The following NUGGC variants were observed in gnomAD, a reference collection of about 807,000 sequenced individuals.
NUGGC encodes the protein nuclear GTPase SLIP-GC.
In NUGGC, 58 loss-of-function variants were observed where a neutral mutation model predicts 92.6. That is an observed-to-expected ratio of 0.63 (90% CI 0.51 to 0.78). The LOEUF (loss-of-function observed/expected upper bound fraction) is 0.78, where lower values mean the gene tolerates loss of function less well. NUGGC is among the 30% of genes least tolerant of loss of function. NUGGC has a pLI of 0.00. For synonymous variants in NUGGC, 376 were observed against 366.4 expected, an observed-to-expected ratio of 1.03 and a Z score of -0.30; for missense variants, 925 against 964.6, an observed-to-expected ratio of 0.96 and a Z score of 0.54.
intron 18 of NUGGC, among the ~76,000 whole-genome samples, chr8:28,024,904 G>A (rs547315075): frequency 5.8e-4 from 88 of 152,312 alleles, no homozygotes; most frequent in African/African-American, 1.9e-3. Flanking sequence ...GTCTGAGTGG[G>A]TTCCCTCCCT....
At chr8:28,064,278 T>C (rs911165380) in intron 7 of NUGGC, among the ~76,000 whole-genome samples, 1 of 152,194 alleles carries the variant, frequency 6.6e-6, no homozygotes, top group Non-Finnish European at 1.5e-5. Context: ...CTATTGCTGG[T>C]CTTTCTCATA....
At chr8:28,053,788 A>G (rs17058542) in intron 10 of NUGGC, among the ~76,000 whole-genome samples, 6,687 of 152,282 alleles carry the variant, frequency 0.044, 463 homozygotes, top group African/African-American at 0.15. Context: ...GCACTCATAC[A>G]ATGCATATTT....
At chr8:28,074,638 T>TG (rs1429665890) in intron 1 of NUGGC, among the ~76,000 whole-genome samples, 182 bp from the exon 2 acceptor site, 6 of 152,194 alleles carry the variant, frequency 3.9e-5, no homozygotes, top group Non-Finnish European at 7.4e-5. Flanking sequence ...GTTTGAACAC[T>TG]GGTTTCCAAT....
chr8:28,023,308 C>T lies in NUGGC; in HGVS notation c.*9G>A, dbSNP rs1809165113. ...TGATTTTTCATCCATTGGGACTAAG[C>T]CCCAGGAGTTACAGTGATGTCCCGG... is the stretch of plus-strand genomic sequence containing the variant. On this transcript the variant is annotated 3_prime_UTR_variant, in exon 19 of 19. Transcript: ENST00000413272. The T allele has an allele frequency of 6.2e-7, 1 of 1,611,260 alleles. No homozygotes were observed. The highest frequency in any genetic ancestry group is 8.5e-7 in the Non-Finnish European group (1 of 1,178,722).
chr8:28,034,817 CA>C (rs201589576), intron 13 of NUGGC, among the ~76,000 whole-genome samples: 2 of 149,436 alleles, frequency 1.3e-5, no homozygotes, highest in African/African-American at 4.9e-5. Context: ...AACTCCAACT[CA>C]AAAAAAAAGG....
In NUGGC at chr8:28,064,537, G is replaced by A. The variant is rs199524519; in HGVS notation, c.906C>T (p.Asp302=). Residue 302 remains aspartate (D), a synonymous_variant, in exon 7 of 19, where the codon GAC becomes GAT. Transcript: ENST00000413272. ...AGACAGTCACCTTTTTCCACATCTC[G>A]TCCCTCTTGCTGTTGAAGTCGCCTG... ...PGTGDFNSKR[D]EMWKKTIDKC... The A allele has an allele frequency of 1.1e-5, 18 of 1,613,790 alleles. No individual in the cohort carries two copies. Among genetic ancestry groups the A allele is most frequent in the Admixed American group, 1.7e-5 (1 of 59,996 alleles).
chr8:28,081,692 C>T (rs575694062), intron 1 of NUGGC, among the ~76,000 whole-genome samples: 1 of 152,242 alleles, frequency 6.6e-6, no homozygotes, highest in East Asian at 1.9e-4. Context: ...TCCTGGCTAA[C>T]TCGGTGAAAC....
In NUGGC at chr8:28,033,565, C is replaced by T. The variant is rs373680690; in HGVS notation, c.1744G>A (p.Asp582Asn). 6.2e-6 allele frequency: 10 copies of T among 1,613,610 alleles called. No homozygotes were observed. The highest frequency in any genetic ancestry group is 1.3e-5 in the African/African-American group (1 of 74,916). The change falls in exon 14 of 19, where the codon GAC (aspartate) becomes AAC (asparagine). Residue 582 changes from aspartate (D) to asparagine (N), a missense_variant. Transcript: ENST00000413272. Reference protein sequence around the residue: ...ALTQPVYDQIDPVFGSIFRTG... With the variant: ...ALTQPVYDQINPVFGSIFRTG... ...CTAAAAATGCTTCCAAAAACAGGGT[C>T]GATCTGGTCATAGACGGGCTGAGTG...
intron 18 of NUGGC, among the ~76,000 whole-genome samples, chr8:28,024,484 C>T (rs1265268112): frequency 6.6e-6 from 1 of 152,162 alleles, no homozygotes; most frequent in Non-Finnish European, 1.5e-5. Flanking sequence ...ACCAAGCCTC[C>T]ACCATCGTGT....
chr8:28,081,087 G>C (rs1162914559), intron 1 of NUGGC, among the ~76,000 whole-genome samples: 1 of 152,198 alleles, frequency 6.6e-6, no homozygotes, highest in Non-Finnish European at 1.5e-5. Context: ...GGGAGGCCAA[G>C]GTGGGCCGAT....
At chr8:28,053,388 G>C (rs150652647) in intron 10 of NUGGC, among the ~76,000 whole-genome samples, 2 of 152,118 alleles carry the variant, frequency 1.3e-5, no homozygotes, top group South Asian at 2.1e-4. Flanking sequence ...TGCGGAGTGC[G>C]GGCAGGAAGA....
intron 17 of NUGGC, among the ~76,000 whole-genome samples, 161 bp from the exon 18 acceptor site, chr8:28,027,213 A>G (rs2130063638): frequency 6.6e-6 from 1 of 152,350 alleles, no homozygotes; most frequent in South Asian, 2.1e-4. Context: ...AACATTTTCA[A>G]GGACACCAAA....
At chr8:28,078,207 T>A (rs1361589491) in intron 1 of NUGGC, among the ~76,000 whole-genome samples, 1 of 152,240 alleles carries the variant, frequency 6.6e-6, no homozygotes, top group Non-Finnish European at 1.5e-5. Flanking sequence ...TTGGAAATTA[T>A]GTGGTTTGGT....
Position 28,045,569 on chromosome 8 carries a change from CAGGCCAA to C in NUGGC, c.1397_1403del (p.Phe466CysfsTer21). The C allele has an allele frequency of 6.2e-7, 1 of 1,612,928 alleles. No homozygotes were observed. Among genetic ancestry groups the C allele is most frequent in the Non-Finnish European group, 8.5e-7 (1 of 1,179,798 alleles). On this transcript the variant is annotated frameshift_variant, in exon 12 of 19. Transcript: ENST00000413272. LOFTEE classifies it high-confidence loss of function. The stretch of plus-strand genomic sequence containing the variant: ...AGTTGAAACTATCTGTGAGGAGCAA[CAGGCCAA>C]AGGCTTCAGTCACATACTTGGTCAC...
Position 28,064,810 on chromosome 8 carries a change from A to T in NUGGC, c.712-79T>A, listed in dbSNP as rs145141120. ...CCCCGGTTGGCTGTGATGCAGGTTC[A>T]TGGTAAGTATGCTGAGTAAGGGTAA... On this transcript the variant is annotated intron_variant, in intron 6 of 18. Transcript: ENST00000413272. 194 of 1,194,462 alleles carry T rather than the reference A, an allele frequency of 1.6e-4. No homozygotes were observed. The African/African-American group carries it at 2.5e-3, about 15-fold the overall frequency. 74.0% of individuals were successfully genotyped at this position (1,194,462 alleles called of 1,614,324 possible).
chr8:28,047,357 A>T, intron 11 of NUGGC, 150 bp downstream of exon 11: 1 of 584,604 alleles, frequency 1.7e-6, no homozygotes, highest in East Asian at 2.8e-5. Context: ...TGCAGAGAGG[A>T]AAATATCCTT....
At chr8:28,030,706 TG>T (rs1563214183) in intron 15 of NUGGC, among the ~76,000 whole-genome samples, 2 of 152,014 alleles carry the variant, frequency 1.3e-5, no homozygotes, top group Non-Finnish European at 2.9e-5. Flanking sequence ...GGGCCCTCTC[TG>T]GGGGGCAGAG....
intron 6 of NUGGC, 131 bp from the exon 7 acceptor site, chr8:28,064,862 A>G (rs1384729851): frequency 1.4e-6 from 1 of 717,148 alleles, no homozygotes; most frequent in Non-Finnish European, 2.4e-6. Flanking sequence ...GAGGCCTGCA[A>G]TCAGGTCTGT....
chr8:28,064,870 T>G, intron 6 of NUGGC, 139 bp from the exon 7 acceptor site: 2 of 671,990 alleles, frequency 3.0e-6, no homozygotes, highest in South Asian at 1.9e-5. Flanking sequence ...CAATCAGGTC[T>G]GTAGGACCTA....
Sources: allele counts gnomAD v4.1 joint callset (sites outside exome capture counted in the v4.1 genomes callset), GRCh38; gene constraint gnomAD v4.1.1; transcripts MANE v1.5; gene names NCBI Gene and HGNC (gene_info 2026-07-23, HGNC 2026-07-21).